The following ANKRD28 variants were observed in gnomAD, a reference collection of about 807,000 sequenced individuals.
The protein encoded by ANKRD28 is serine/threonine-protein phosphatase 6 regulatory ankyrin repeat subunit A.
ANKRD28 carries 44 observed loss-of-function variants against 126.5 expected under a neutral mutation model. The ratio of observed to expected loss-of-function variants is 0.35; its 90% CI spans 0.27 to 0.45. ANKRD28 has a LOEUF of 0.45. Among genes scored for constraint, ANKRD28 ranks in the 20% least tolerant of loss-of-function variants. The probability of loss-of-function intolerance (pLI) is 1.00; values close to 1 mark genes in which losing one functional copy is unlikely to be tolerated. For missense variants in ANKRD28, 1,110 were observed against 1,316.6 expected, an observed-to-expected ratio of 0.84 and a Z score of 2.43; for synonymous variants, 442 against 468.5, an observed-to-expected ratio of 0.94 and a Z score of 0.73.
intron 2 of ANKRD28, among the ~76,000 whole-genome samples, chr3:15,768,761 A>C (rs1330412748): frequency 6.6e-6 from 1 of 152,234 alleles, no homozygotes; most frequent in East Asian, 1.9e-4. Flanking sequence ...TCCTTAAAAT[A>C]GTAACAGGTG....
At chr3:15,859,731 A>C in exon 1 of ANKRD28, 1 of 153,218 alleles carries the variant, frequency 6.5e-6, no homozygotes, top group Non-Finnish European at 1.4e-5. Flanking sequence ...CCGCCTCCTC[A>C]CGCCCCCTTC....
At chr3:15,778,499 C>T (rs550017344) in intron 2 of ANKRD28, among the ~76,000 whole-genome samples, 1 of 152,274 alleles carries the variant, frequency 6.6e-6, no homozygotes, top group South Asian at 2.1e-4. Flanking sequence ...TTTTCCTTTC[C>T]CAGTTGTCAG....
chr3:15,744,959 C>T (rs1366251976), intron 4 of ANKRD28, among the ~76,000 whole-genome samples: 2 of 151,952 alleles, frequency 1.3e-5, no homozygotes, highest in Non-Finnish European at 2.9e-5. Flanking sequence ...AGTGGTATCG[C>T]TTTGTGGTTT....
At chr3:15,758,409 G>C (rs145555485) in intron 3 of ANKRD28, among the ~76,000 whole-genome samples, 119 of 152,302 alleles carry the variant, frequency 7.8e-4, no homozygotes, top group African/African-American at 2.8e-3. Flanking sequence ...TCTTTTAAGA[G>C]TGTTGTGGAT....
chr3:15,811,923 G>A (rs1369063490), intron 1 of ANKRD28, among the ~76,000 whole-genome samples: 2 of 151,564 alleles, frequency 1.3e-5, no homozygotes, highest in East Asian at 3.9e-4. Flanking sequence ...GGAGGTCAAG[G>A]TGGGTGGATC....
rs374895115 is a variant in ANKRD28, at chr3:15,857,972, A to G, written c.27+1405T>C. 1.8e-4 allele frequency among the ~76,000 whole-genome samples: 28 copies of G among 152,360 alleles called. 2 individuals are homozygous for G. The South Asian group carries it at 5.8e-3, about 32-fold the overall frequency. ...TCTCGAGTTTCACACTGTTAAGAGTATAAGATGCACGGACTGTACTGGAAT... is the reference window on the plus strand; with the variant it reads ...TCTCGAGTTTCACACTGTTAAGAGTGTAAGATGCACGGACTGTACTGGAAT... On this transcript the variant is annotated intron_variant, in intron 1 of 27. Transcript: ENST00000399451.
At chr3:15,746,136 C>T (rs545303940) in intron 4 of ANKRD28, among the ~76,000 whole-genome samples, 14 of 152,094 alleles carry the variant, frequency 9.2e-5, no homozygotes, top group Non-Finnish European at 1.9e-4. Context: ...TCTAGGTATG[C>T]GATCATATCA....
rs2069006453 is a variant in ANKRD28, at chr3:15,693,046, T to C, written c.1761+1693A>G. On this transcript the variant is annotated intron_variant, in intron 17 of 27. Coordinates refer to ENST00000683139, the MANE Select transcript of ANKRD28 (RefSeq NM_001349278.2). ...ATTCCACTTAAATGAGGTGTCTAGA[T>C]TAGTCAAATTCATAGGAACAGAAGG... Among the ~76,000 whole-genome samples the C allele has an allele frequency of 2.6e-5, 4 of 152,186 alleles. No individual in the cohort carries two copies. The South Asian group carries it at 8.3e-4, about 32-fold the overall frequency.
At chr3:15,739,381 T>C (rs1467610072) in intron 4 of ANKRD28, among the ~76,000 whole-genome samples, 3 of 152,228 alleles carry the variant, frequency 2.0e-5, no homozygotes, top group Non-Finnish European at 4.4e-5. Flanking sequence ...GTTTATGTTC[T>C]TCTGCCATGG....
chr3:15,801,939 G>A (rs1262910308), upstream of ANKRD28, among the ~76,000 whole-genome samples: 2 of 152,124 alleles, frequency 1.3e-5, no homozygotes, highest in African/African-American at 4.8e-5. This position sits in a 1 kb window ranked among gnomAD's most constrained non-coding sequence, Gnocchi z 4.9. Flanking sequence ...CGTTACATTC[G>A]TAATAATAAA....
At chr3:15,730,529 C>G (rs745992331) in intron 6 of ANKRD28, among the ~76,000 whole-genome samples, 4 of 152,188 alleles carry the variant, frequency 2.6e-5, no homozygotes, top group Non-Finnish European at 5.9e-5. Context: ...CTTACACTAA[C>G]ATTGATGAAT....
chr3:15,723,841 T>C (rs1559410021), intron 7 of ANKRD28, among the ~76,000 whole-genome samples: 1 of 152,186 alleles, frequency 6.6e-6, no homozygotes, highest in Non-Finnish European at 1.5e-5. Flanking sequence ...TGTGAAAAGC[T>C]ACAGGTATTC....
chr3:15,771,226 A>G (rs1012004328), intron 2 of ANKRD28, among the ~76,000 whole-genome samples: 2 of 152,244 alleles, frequency 1.3e-5, no homozygotes, highest in South Asian at 4.1e-4. Flanking sequence ...CCCGGCCAAC[A>G]TGGTGAAACA....
chr3:15,752,852 C>G (rs776457825), intron 3 of ANKRD28, among the ~76,000 whole-genome samples: 31 of 152,164 alleles, frequency 2.0e-4, no homozygotes, highest in Non-Finnish European at 4.4e-4. Flanking sequence ...TCAAGTAATG[C>G]CTTCAATTAG....
chr3:15,766,183 G>T lies in ANKRD28; in HGVS notation c.280+51C>A, dbSNP rs2058728132. 11 of 1,415,096 alleles carry T rather than the reference G, an allele frequency of 7.8e-6. No individual in the cohort carries two copies. The Middle Eastern group carries it at 5.4e-4, about 70-fold the overall frequency. 87.7% of individuals were successfully genotyped at this position (1,415,096 alleles called of 1,614,324 possible). ...GTCAATTATGATTGAGAAACATTAA[G>T]AATAACAAAAATATACATAATGTGT... is the stretch of plus-strand genomic sequence containing the variant. On this transcript the variant is annotated intron_variant, in intron 3 of 27. Coordinates refer to ENST00000683139, the MANE Select transcript of ANKRD28 (RefSeq NM_001349278.2).
rs2067942931 is a variant in ANKRD28 at position 15,684,961 on chromosome 3, TAAAAA to T, written c.2389+260_2389+264del. ...CAACATAGCAAGATCCTACCAAAAC[TAAAAA>T]AGAAAAGAAAAGAAAAGAAAAACCT... On this transcript the variant is annotated intron_variant, in intron 21 of 27. Transcript: ENST00000683139. The T allele has an allele frequency of 9.8e-6, 4 of 410,026 alleles. 1 individual carries two copies. In the South Asian group the frequency reaches 1.0e-4, roughly 11 times the overall value. The allele number at this position is 410,026 out of a possible 1,614,324, so 25.4% of individuals were successfully genotyped here. A position where few individuals can be genotyped will look rare whatever the true frequency, so the allele number is the denominator to read the frequency against.
At chr3:15,678,432 C>G in intron 23 of ANKRD28, 78 bp from the exon 24 acceptor site, 2 of 1,400,708 alleles carry the variant, frequency 1.4e-6, no homozygotes, top group Non-Finnish European at 9.6e-7. Flanking sequence ...TAATTTGTGA[C>G]ATGCTGTTTT....
intron 1 of ANKRD28, among the ~76,000 whole-genome samples, chr3:15,823,232 C>G (rs1304058344): frequency 6.6e-6 from 1 of 152,188 alleles, no homozygotes; most frequent in African/African-American, 2.4e-5. Context: ...TTACAATAGG[C>G]TTCCTATGAG....
rs181942941 is a variant in ANKRD28, at chr3:15,856,794, A to T, written c.27+2583T>A. On this transcript the variant is annotated intron_variant, in intron 1 of 27. Transcript: ENST00000399451. ...GAACCCTCCTGATGCTTAAATGCAC[A>T]AAGAAAAACAACCCTTTTGCATTTG... 2.0e-5 allele frequency among the ~76,000 whole-genome samples: 3 copies of T among 152,370 alleles called. No individual in the cohort carries two copies. The East Asian group carries it at 5.8e-4, about 29-fold the overall frequency.
Sources: allele counts gnomAD v4.1 joint callset (sites outside exome capture counted in the v4.1 genomes callset), GRCh38; gene constraint gnomAD v4.1.1; non-coding constraint Gnocchi (gnomAD v3.1); transcripts MANE v1.5; gene names NCBI Gene and HGNC (gene_info 2026-07-23, HGNC 2026-07-21).